The following AFF3 variants were observed in gnomAD, a reference collection of about 807,000 sequenced individuals.
AFF3 encodes the protein ALF transcription elongation factor 3.
Under a neutral mutation model 129.7 loss-of-function variants are expected in AFF3, and 32 were observed. The ratio of observed to expected loss-of-function variants is 0.25; its 90% confidence interval spans 0.19 to 0.33. The LOEUF (loss-of-function observed/expected upper bound fraction) is 0.33, where lower values mean the gene tolerates loss of function less well. AFF3 is among the 10% of genes least tolerant of loss of function. AFF3 has a pLI of 1.00. For missense variants in AFF3, 1,373 were observed against 1,592.0 expected, an observed-to-expected ratio of 0.86 and a Z score of 2.34; for synonymous variants, 644 against 635.4, an observed-to-expected ratio of 1.01 and a Z score of -0.20.
intron 11 of AFF3, among the ~76,000 whole-genome samples, chr2:99,692,806 G>A (rs1304890574): frequency 2.0e-5 from 3 of 152,228 alleles, no homozygotes; most frequent in East Asian, 3.9e-4. Flanking sequence ...CCTCCAGAGA[G>A]CCAGGTTATC....
At chr2:100,014,728 G>T (rs1223259662) in intron 4 of AFF3, among the ~76,000 whole-genome samples, 3 of 150,964 alleles carry the variant, frequency 2.0e-5, no homozygotes, top group Non-Finnish European at 2.9e-5. Flanking sequence ...GCCTTTGGGA[G>T]TATATTCAGA....
chr2:100,086,269 T>C (rs1689422370), intron 4 of AFF3, among the ~76,000 whole-genome samples: 2 of 152,222 alleles, frequency 1.3e-5, no homozygotes, highest in Non-Finnish European at 2.9e-5. Context: ...ATGCCTGTAA[T>C]CCCAGCACTT....
chr2:100,025,704 T>C (rs922479939), intron 4 of AFF3, among the ~76,000 whole-genome samples: 1 of 152,172 alleles, frequency 6.6e-6, no homozygotes, highest in African/African-American at 2.4e-5. Flanking sequence ...AATAGGCACA[T>C]AGACCAATGG....
intron 3 of AFF3, chr2:100,104,874 TGCGCGGGCGAGGCCGAGGCGCGCGC>T (rs1691144151): frequency 2.6e-6 from 1 of 379,006 alleles, no homozygotes; most frequent in Admixed American, 7.2e-5. Flanking sequence ...GAGGCGCGTG[TGCGCGGGCGAGGCCGAGGCGCGCGC>T]GCACCGTGAG....
intron 4 of AFF3, among the ~76,000 whole-genome samples, chr2:100,014,661 G>T (rs1464086286): frequency 6.6e-6 from 1 of 152,122 alleles, no homozygotes; most frequent in Non-Finnish European, 1.5e-5. Flanking sequence ...GGCAGGTTAA[G>T]GAGATGGAAA....
chr2:100,086,717 C>T (rs2576670), intron 4 of AFF3, among the ~76,000 whole-genome samples: 1 of 152,106 alleles, frequency 6.6e-6, no homozygotes, highest in African/African-American at 2.4e-5. Context: ...TTCTAGCTGG[C>T]CTTCTGGAGT....
At chr2:99,854,830 T>C (rs1690405193) in intron 7 of AFF3, among the ~76,000 whole-genome samples, 2 of 152,196 alleles carry the variant, frequency 1.3e-5, no homozygotes, top group African/African-American at 4.8e-5. Context: ...GGTTAAGAAA[T>C]AGATCTGCAT....
chr2:100,029,574 C>T (rs1205605397), intron 4 of AFF3, among the ~76,000 whole-genome samples: 3 of 152,138 alleles, frequency 2.0e-5, no homozygotes, highest in Non-Finnish European at 4.4e-5. Flanking sequence ...GAGATAAATG[C>T]TGTGTGATTC....
intron 8 of AFF3, among the ~76,000 whole-genome samples, chr2:99,826,181 A>G (rs370857857): frequency 1.3e-5 from 2 of 151,960 alleles, no homozygotes; most frequent in East Asian, 3.9e-4. Flanking sequence ...TGCCCAGCTA[A>G]TTTTTGTATT....
chr2:99,760,672 C>T (rs1682500378), intron 8 of AFF3, among the ~76,000 whole-genome samples: 1 of 152,184 alleles, frequency 6.6e-6, no homozygotes, highest in Non-Finnish European at 1.5e-5. Context: ...CCTCTATTGA[C>T]CTACTTTGGC....
At chr2:99,690,830 C>T (rs1256146716) in intron 11 of AFF3, among the ~76,000 whole-genome samples, 1 of 149,768 alleles carries the variant, frequency 6.7e-6, no homozygotes. Context: ...AGAGTTTATA[C>T]TCAGGCATAG....
chr2:100,119,065 G>A (rs1184797172), intron 2 of AFF3, among the ~76,000 whole-genome samples: 1 of 152,174 alleles, frequency 6.6e-6, no homozygotes, highest in Non-Finnish European at 1.5e-5. Context: ...GCCCCCCGAA[G>A]TGCTGGGATT....
intron 7 of AFF3, among the ~76,000 whole-genome samples, chr2:99,935,349 C>T (rs1295737040): frequency 4.6e-5 from 7 of 152,198 alleles, no homozygotes; most frequent in African/African-American, 1.7e-4. Context: ...CTTAGCCAAA[C>T]AATTTACCTA....
At chr2:99,957,373 A>T (rs945017415) in intron 7 of AFF3, among the ~76,000 whole-genome samples, 82 of 152,300 alleles carry the variant, frequency 5.4e-4, no homozygotes, top group African/African-American at 1.9e-3. Flanking sequence ...AAATCTAAAG[A>T]CAATAATCCA....
Position 100,104,500 on chromosome 2 carries a change from G to T in AFF3, c.-46C>A. 1.6e-6 allele frequency: 2 copies of T among 1,284,128 alleles called. No homozygotes were observed. Among genetic ancestry groups the T allele is most frequent in the Non-Finnish European group, 1.0e-6 (1 of 989,926 alleles). 79.5% of individuals were successfully genotyped at this position (1,284,128 alleles called of 1,614,324 possible). A position where few individuals can be genotyped will look rare whatever the true frequency, so the allele number is the denominator to read the frequency against. ...CCGCCGCCGCTACCGCCGCCGCCGA[G>T]GCTCGGGCCGCCCGCGCGCTGCAAC... On this transcript the variant is annotated 5_prime_UTR_variant, in exon 4 of 25. Coordinates refer to ENST00000672756, the MANE Select transcript of AFF3 (RefSeq NM_001386135.1).
chr2:99,911,298 G>A (rs932266565), intron 7 of AFF3, among the ~76,000 whole-genome samples: 9 of 152,048 alleles, frequency 5.9e-5, no homozygotes, highest in Admixed American at 5.9e-4. Flanking sequence ...TGAGGCAGGA[G>A]CATCACTTGA....
chr2:100,028,921 A>G (rs925828569), intron 4 of AFF3, among the ~76,000 whole-genome samples: 2 of 152,140 alleles, frequency 1.3e-5, no homozygotes, highest in African/African-American at 4.8e-5. Flanking sequence ...CTGGGTATAT[A>G]TCCAAAAGAA....
At chr2:100,060,820 T>C (rs952059270) in intron 4 of AFF3, among the ~76,000 whole-genome samples, 5 of 152,148 alleles carry the variant, frequency 3.3e-5, no homozygotes, top group African/African-American at 1.2e-4. Flanking sequence ...TTTCTTTGGA[T>C]TTCACAACTT....
At position 99,916,268 on chromosome 2, in the gene AFF3, T is replaced by A. The variant is rs150120074; in HGVS notation, c.874-78744A>T. Among the ~76,000 whole-genome samples, 106 of 152,300 alleles carry A rather than the reference T, an allele frequency of 7.0e-4. 3 individuals are homozygous for A. The East Asian group carries it at 0.013, about 18-fold the overall frequency. ...ATTTTCTTAAACTCCCCATCTGTAA[T>A]CCCTCCCGTCCTGCCTGGACTATCA... On this transcript the variant is annotated intron_variant, in intron 7 of 24. Transcript: ENST00000672756.
Sources: allele counts gnomAD v4.1 joint callset (sites outside exome capture counted in the v4.1 genomes callset), GRCh38; gene constraint gnomAD v4.1.1; transcripts MANE v1.5; gene names NCBI Gene and HGNC (gene_info 2026-07-23, HGNC 2026-07-21).